GOLGA7: variants seen among roughly 807,000 people sequenced by gnomAD.
GOLGA7 encodes golgin A7.
GOLGA7 carries 10 observed loss-of-function variants against 21.1 expected under a neutral mutation model. The observed-to-expected ratio is 0.47, with a 90% CI of 0.29 to 0.80. The LOEUF (loss-of-function observed/expected upper bound fraction) is 0.80, where lower values mean the gene tolerates loss of function less well. Among genes scored for constraint, GOLGA7 ranks in the 30% least tolerant of loss-of-function variants. GOLGA7 has a pLI of 0.08. For missense variants in GOLGA7, 114 were observed against 166.8 expected (o/e 0.68, Z 1.74); for synonymous variants, 64 against 62.6 (o/e 1.02, Z -0.10).
chr8:41,495,509 T>G (rs913639511), intron 1 of GOLGA7, among the ~76,000 whole-genome samples: 1 of 150,448 alleles, frequency 6.6e-6, no homozygotes, highest in African/African-American at 2.4e-5. Flanking sequence ...GGTCTCAAAC[T>G]CCTGAGCTCA....
At chr8:41,505,709 T>G (rs1806268738) in intron 2 of GOLGA7, 1 of 454,794 alleles carries the variant, frequency 2.2e-6, no homozygotes, top group African/African-American at 2.0e-5. Flanking sequence ...GAAGATATTT[T>G]TGACTGGAAG....
Position 41,490,885 on chromosome 8 carries a change from A to G in GOLGA7, c.31A>G (p.Lys11Glu), listed in dbSNP as rs372140953. 3.1e-6 allele frequency: 5 copies of G among 1,602,798 alleles called. No homozygotes were observed. Among genetic ancestry groups the G allele is most frequent in the South Asian group, 1.1e-5 (1 of 89,142 alleles). Residue 11 changes from lysine to glutamate, a missense_variant, in exon 1 of 5, where the codon AAG (lysine) becomes GAG (glutamate). Physicochemically the swap from Lys to Glu is moderately conservative, Grantham distance 56. Coordinates refer to ENST00000357743, the MANE Select transcript of GOLGA7 (RefSeq NM_001002296.2). MRPQQAPVSG[K>E]VFIQRDYSSG... ...GCCGCAGCAGGCGCCGGTGTCCGGA[A>G]AGGTGTTCATTCAGCGAGACTACAG...
chr8:41,502,415 G>A (rs1406263550), intron 2 of GOLGA7, among the ~76,000 whole-genome samples: 5 of 152,110 alleles, frequency 3.3e-5, no homozygotes, highest in South Asian at 2.1e-4. Flanking sequence ...ATTGTAAATA[G>A]GCCTTTTAAA....
chr8:41,503,051 T>C (rs893602172), intron 2 of GOLGA7, among the ~76,000 whole-genome samples: 1 of 152,180 alleles, frequency 6.6e-6, no homozygotes, highest in Non-Finnish European at 1.5e-5. Context: ...TTTATTTTAT[T>C]TTTATTTTGA....
At position 41,510,041 on chromosome 8, in the gene GOLGA7, G is replaced by A. The variant is rs1395367381; in HGVS notation, c.*473G>A. On this transcript the variant is annotated 3_prime_UTR_variant, in exon 5 of 5. Coordinates refer to ENST00000357743, the MANE Select transcript of GOLGA7 (RefSeq NM_001002296.2). ...TGTTTTTCTCCAGGATTTTGGTGAG[G>A]GTTGGCTGTGGCTGTCGTTTTGCAC... 2 of 152,418 alleles carry A rather than the reference G, an allele frequency of 1.3e-5. No individual in the cohort carries two copies. Among genetic ancestry groups the A allele is most frequent in the Non-Finnish European group, 1.5e-5 (1 of 68,022 alleles). 9.4% of individuals were successfully genotyped at this position (152,418 alleles called of 1,614,324 possible). A position where few individuals can be genotyped will look rare whatever the true frequency, so the allele number is the denominator to read the frequency against.
At chr8:41,494,528 G>A (rs1193251245) in intron 1 of GOLGA7, among the ~76,000 whole-genome samples, 1 of 152,122 alleles carries the variant, frequency 6.6e-6, no homozygotes, top group Non-Finnish European at 1.5e-5. Context: ...ATTAACGTAG[G>A]CATAATTAGG....
At chr8:41,498,406 A>G (rs1406646712) in intron 2 of GOLGA7, among the ~76,000 whole-genome samples, 2 of 152,154 alleles carry the variant, frequency 1.3e-5, no homozygotes, top group Non-Finnish European at 1.5e-5. Flanking sequence ...TTTACCACTG[A>G]GTAAAATTCA....
chr8:41,505,699 G>A (rs906712491), intron 2 of GOLGA7: 5 of 435,872 alleles, frequency 1.1e-5, no homozygotes, highest in East Asian at 7.6e-5. Flanking sequence ...ACATTGTGTC[G>A]AAGATATTTT....
chr8:41,498,944 C>G (rs754771140), intron 2 of GOLGA7, among the ~76,000 whole-genome samples: 2 of 152,182 alleles, frequency 1.3e-5, no homozygotes, highest in Non-Finnish European at 2.9e-5. Context: ...TATGACCCAT[C>G]TGATAGAAAT....
intron 1 of GOLGA7, among the ~76,000 whole-genome samples, chr8:41,495,882 A>G (rs1267897686): frequency 6.6e-6 from 1 of 152,202 alleles, no homozygotes; most frequent in Non-Finnish European, 1.5e-5. Flanking sequence ...AAGTACTATT[A>G]GAAGACAGTA....
intron 4 of GOLGA7, among the ~76,000 whole-genome samples, chr8:41,509,232 A>C (rs1337594798): frequency 6.6e-6 from 1 of 152,230 alleles, no homozygotes; most frequent in Non-Finnish European, 1.5e-5. Context: ...TCATCACAAC[A>C]ACCCTATGAG....
intron 2 of GOLGA7, among the ~76,000 whole-genome samples, chr8:41,502,822 G>T (rs1806181514): frequency 6.6e-6 from 1 of 152,170 alleles, no homozygotes; most frequent in Non-Finnish European, 1.5e-5. Flanking sequence ...TTGAAGTTTT[G>T]TTGAGGATTT....
chr8:41,497,807 C>G, intron 2 of GOLGA7, 146 bp downstream of exon 2: 1 of 560,772 alleles, frequency 1.8e-6, no homozygotes, highest in Non-Finnish European at 3.2e-6. Flanking sequence ...TGTACAGAGG[C>G]ACATAGTCCT....
chr8:41,491,686 A>T (rs1231694682), intron 1 of GOLGA7, among the ~76,000 whole-genome samples: 1 of 151,964 alleles, frequency 6.6e-6, no homozygotes, highest in East Asian at 1.9e-4. Flanking sequence ...AAAAAAAAAA[A>T]AAAAATCATT....
At chr8:41,502,412 A>G (rs1806170985) in intron 2 of GOLGA7, among the ~76,000 whole-genome samples, 1 of 152,236 alleles carries the variant, frequency 6.6e-6, no homozygotes, top group Non-Finnish European at 1.5e-5. Context: ...GAAATTGTAA[A>G]TAGGCCTTTT....
At chr8:41,503,773 T>C (rs1806207430) in intron 2 of GOLGA7, among the ~76,000 whole-genome samples, 1 of 135,784 alleles carries the variant, frequency 7.4e-6, no homozygotes, top group Non-Finnish European at 1.6e-5. Flanking sequence ...TTGATCTATA[T>C]CTCTGTTTTG....
intron 2 of GOLGA7, among the ~76,000 whole-genome samples, chr8:41,503,772 A>G (rs1806207357): frequency 2.2e-5 from 3 of 133,820 alleles, no homozygotes; most frequent in African/African-American, 8.8e-5. Flanking sequence ...ATTGATCTAT[A>G]TCTCTGTTTT....
intron 2 of GOLGA7, chr8:41,502,524 C>G (rs964747249): frequency 6.6e-6 from 1 of 152,126 alleles, no homozygotes; most frequent in African/African-American, 2.4e-5. Context: ...TGTTGCTACC[C>G]ATGATAATTA....
At chr8:41,499,873 C>G (rs927477268) in intron 2 of GOLGA7, among the ~76,000 whole-genome samples, 2 of 152,240 alleles carry the variant, frequency 1.3e-5, no homozygotes, top group Admixed American at 6.5e-5. Context: ...CCCAGCACTT[C>G]CCTGCCTGCT....
Sources: allele counts gnomAD v4.1 joint callset (sites outside exome capture counted in the v4.1 genomes callset), GRCh38; gene constraint gnomAD v4.1.1; transcripts MANE v1.5; gene names NCBI Gene and HGNC (gene_info 2026-07-23, HGNC 2026-07-21).